ARRDC5: variants seen among roughly 807,000 people sequenced by gnomAD.
ARRDC5 encodes the protein arrestin domain containing 5.
ARRDC5 carries 12 observed loss-of-function variants against 13.3 expected under a neutral mutation model. That is an observed-to-expected ratio of 0.90 (90% CI 0.58 to 1.46). The LOEUF (loss-of-function observed/expected upper bound fraction) is 1.46. Ranked by LOEUF, ARRDC5 falls within the 40% of genes most tolerant of loss-of-function variation. The pLI, the probability that ARRDC5 is intolerant of heterozygous loss-of-function variation, is 0.00. For synonymous variants in ARRDC5, 181 were observed against 173.4 expected, an observed-to-expected ratio of 1.04 and a Z score of -0.34; for missense variants, 406 against 418.7, an observed-to-expected ratio of 0.97 and a Z score of 0.26.
chr19:4,907,162 T>G (rs1054719918), upstream of ARRDC5, among the ~76,000 whole-genome samples: 1 of 152,248 alleles, frequency 6.6e-6, no homozygotes. Flanking sequence ...CAGGTGGGAG[T>G]ACACTGGCTC....
chr19:4,902,739 T>TA lies in ARRDC5; in HGVS notation c.86dup (p.Leu29PhefsTer26). On this transcript the variant is annotated frameshift_variant, in exon 1 of 3. Coordinates refer to ENST00000650722, the MANE Select transcript of ARRDC5 (RefSeq NM_001080523.3). LOFTEE classifies it high-confidence loss of function. ...GGTCCACCAGGGTGCTGTTCAGGGTTAAGATCACCTGCCCTTTTATGCTGG... is the reference window on the plus strand; with the variant it reads ...GGTCCACCAGGGTGCTGTTCAGGGTTAAAGATCACCTGCCCTTTTATGCTGG... 6.2e-7 allele frequency: 1 copy of TA among 1,614,014 alleles called. No individual in the cohort carries two copies. Among genetic ancestry groups the TA allele is most frequent in the Non-Finnish European group, 8.5e-7 (1 of 1,179,894 alleles).
chr19:4,908,713 A>G, the ARRDC5 span, among the ~76,000 whole-genome samples: 2 of 152,276 alleles, frequency 1.3e-5, no homozygotes, highest in East Asian at 1.9e-4. Context: ...ATAAGGAATC[A>G]TCTGAAATTA....
upstream of ARRDC5, among the ~76,000 whole-genome samples, chr19:4,906,403 A>G (rs35992600): frequency 0.1 from 15,781 of 152,182 alleles, 952 homozygotes; most frequent in Middle Eastern, 0.18. Flanking sequence ...CCTCTGTGAC[A>G]CTTAACTTCC....
chr19:4,896,057 G>A (rs1318478929), intron 2 of ARRDC5, among the ~76,000 whole-genome samples: 1 of 152,174 alleles, frequency 6.6e-6, no homozygotes, highest in Admixed American at 6.6e-5. Context: ...GCTCACGCCT[G>A]TAATCCCAGC....
chr19:4,913,586 C>T, the ARRDC5 span, among the ~76,000 whole-genome samples: 1 of 151,944 alleles, frequency 6.6e-6, no homozygotes, highest in African/African-American at 2.4e-5. Context: ...GTCAGGATGT[C>T]CGCAGTGATG....
At chr19:4,910,440 C>G in the ARRDC5 span, 1 of 153,148 alleles carries the variant, frequency 6.5e-6, no homozygotes, top group African/African-American at 2.4e-5. Context: ...TGGTTGAGTT[C>G]CCCCGGGACT....
At chr19:4,904,769 A>T (rs990221407), upstream of ARRDC5, among the ~76,000 whole-genome samples, 1 of 152,162 alleles carries the variant, frequency 6.6e-6, no homozygotes, top group Non-Finnish European at 1.5e-5. Context: ...GGAATCAATA[A>T]AAGTTTGTTG....
At chr19:4,915,504 A>G in the ARRDC5 span, among the ~76,000 whole-genome samples, 1 of 152,196 alleles carries the variant, frequency 6.6e-6, no homozygotes, top group African/African-American at 2.4e-5. Context: ...ACCTGAGGTC[A>G]GGAGTTCTAG....
the ARRDC5 span, among the ~76,000 whole-genome samples, chr19:4,913,807 C>CTT: frequency 1.4e-3 from 158 of 110,098 alleles, no homozygotes; most frequent in Non-Finnish European, 1.7e-3. Context: ...CATGCAGTAG[C>CTT]TTTTTTTTTT....
In ARRDC5 at chr19:4,891,541, G is replaced by C. The variant is rs373883222; in HGVS notation, c.492C>G (p.Val164=). 8.7e-6 allele frequency: 14 copies of C among 1,613,566 alleles called. No homozygotes were observed. The highest frequency in any genetic ancestry group is 1.2e-5 in the Non-Finnish European group (14 of 1,179,786). ...NPLFVEAEEK[V]SYNCCRQGTV... ...TGCCCTGGCGGCAGCAGTTGTAGGA[G>C]ACTTTCTCCTCAGCCTCCACGAACA... The change falls in exon 3 of 3, where the codon GTC becomes GTG. Residue 164 remains valine (V), a synonymous_variant. Coordinates refer to ENST00000650722, the MANE Select transcript of ARRDC5 (RefSeq NM_001080523.3).
rs775692585 is a variant in ARRDC5 at position 4,896,697 on chromosome 19, T to C, written c.433A>G (p.Thr145Ala). 1 of 1,613,296 alleles carries C rather than the reference T, an allele frequency of 6.2e-7. No individual in the cohort carries two copies. Among genetic ancestry groups the C allele is most frequent in the Non-Finnish European group, 8.5e-7 (1 of 1,179,490 alleles). Residue 145 changes from threonine to alanine, a missense_variant, in exon 2 of 3, where the codon ACC (threonine) becomes GCC (alanine). Thr to Ala is a moderately conservative substitution (Grantham distance 58). Transcript: ENST00000650722. ...TGGAATGGGGTTTCTTTGTGGAAGG[T>C]GGAAGTTCCTTGAACCAATAAGTAC... ...RMYLLVQGTS[T>A]FHKETPFQNP... is the part of the protein sequence containing the mutation.
chr19:4,896,272 GC>G (rs1482343937), intron 2 of ARRDC5, among the ~76,000 whole-genome samples: 1 of 99,618 alleles, frequency 1.0e-5, no homozygotes, highest in African/African-American at 3.4e-5. Flanking sequence ...CCGAGATCAT[GC>G]CTCTGCACTT....
At chr19:4,903,481 A>G (rs2031991176), upstream of ARRDC5, 2 of 151,662 alleles carry the variant, frequency 1.3e-5, no homozygotes, top group South Asian at 2.1e-4. Context: ...ATGCTTTGCT[A>G]ATTTTTTTTT....
At chr19:4,909,841 G>A in the ARRDC5 span, 7 of 402,104 alleles carry the variant, frequency 1.7e-5, no homozygotes, top group African/African-American at 4.2e-5. Flanking sequence ...GGCTGGAGCC[G>A]GGACCAGCGC....
rs1293479219 is a variant in ARRDC5, at chr19:4,891,296, G to A, written c.737C>T (p.Thr246Ile). Reference sequence around the variant, plus strand: ...GACAACCTTGGTGGTGTTGAAGCGGGTCACGGGGGTGTTGGCCTCCTGCCT... The same window carrying A: ...GACAACCTTGGTGGTGTTGAAGCGGATCACGGGGGTGTTGGCCTCCTGCCT... ...LLRQEANTPV[T>I]RFNTTKVVST... Residue 246 changes from threonine (T) to isoleucine (I), a missense_variant, in exon 3 of 3, where the codon ACC (threonine) becomes ATC (isoleucine). Coordinates refer to ENST00000650722, the MANE Select transcript of ARRDC5 (RefSeq NM_001080523.3). The A allele has an allele frequency of 6.2e-7, 1 of 1,613,826 alleles. No individual in the cohort carries two copies. The highest frequency in any genetic ancestry group is 8.5e-7 in the Non-Finnish European group (1 of 1,179,898).
intron 2 of ARRDC5, among the ~76,000 whole-genome samples, chr19:4,893,341 A>G (rs1372098503): frequency 6.9e-6 from 1 of 145,890 alleles, no homozygotes; most frequent in Non-Finnish European, 1.5e-5. Flanking sequence ...CCCCATCTCT[A>G]CTAAAAATAC....
At chr19:4,891,629 T>C in intron 2 of ARRDC5, 56 bp from the exon 3 acceptor site, 1 of 1,503,388 alleles carries the variant, frequency 6.7e-7, no homozygotes, top group Admixed American at 2.0e-5. Context: ...CAAAATCCAC[T>C]TGCCTGCCTG....
intron 1 of ARRDC5, among the ~76,000 whole-genome samples, chr19:4,898,105 T>TAAAC (rs1014043915): frequency 6.6e-6 from 1 of 151,892 alleles, no homozygotes; most frequent in East Asian, 1.9e-4. Context: ...AATAAATAAA[T>TAAAC]AAACAAAGTA....
At chr19:4,894,510 C>CAAAAAAAAAA (rs575777769) in intron 2 of ARRDC5, among the ~76,000 whole-genome samples, 31 of 27,214 alleles carry the variant, frequency 1.1e-3, no homozygotes, top group African/African-American at 4.4e-3. Context: ...GACTCCGTCT[C>CAAAAAAAAAA]AAAAAAAAAA....
Sources: allele counts gnomAD v4.1 joint callset (sites outside exome capture counted in the v4.1 genomes callset), GRCh38; gene constraint gnomAD v4.1.1; transcripts MANE v1.5; gene names NCBI Gene and HGNC (gene_info 2026-07-23, HGNC 2026-07-21).